AGMO: variants seen among roughly 807,000 people sequenced by gnomAD.
AGMO encodes alkylglycerol monooxygenase.
A neutral mutation model predicts 60.2 loss-of-function variants in AGMO; 75 were observed. That is an observed-to-expected ratio of 1.25 (90% CI 1.03 to 1.51). The LOEUF (loss-of-function observed/expected upper bound fraction) is 1.51. Ranked by LOEUF, AGMO falls within the 40% of genes most tolerant of loss-of-function variation. The pLI, the probability that AGMO is intolerant of heterozygous loss-of-function variation, is 0.00. For synonymous variants in AGMO, 261 were observed against 177.1 expected (o/e 1.47, Z -3.76); for missense variants, 763 against 525.5 (o/e 1.45, Z -4.42).
At chr7:15,314,558 T>A (rs768447299) in intron 12 of AGMO, among the ~76,000 whole-genome samples, 11 of 152,174 alleles carry the variant, frequency 7.2e-5, no homozygotes, top group Non-Finnish European at 1.3e-4. Context: ...TAGGTTAATC[T>A]GAAGTTTTTA....
At position 15,507,851 on chromosome 7, in the gene AGMO, T is replaced by C. The variant is rs144260280; in HGVS notation, c.409+36921A>G. Among the ~76,000 whole-genome samples, 535 of 152,230 alleles carry C rather than the reference T, an allele frequency of 3.5e-3. 3 individuals are homozygous for C. The highest frequency in any genetic ancestry group is 0.012 in the African/African-American group (519 of 41,548). On this transcript the variant is annotated intron_variant, in intron 3 of 12. Coordinates refer to ENST00000342526, the MANE Select transcript of AGMO (RefSeq NM_001004320.2). The stretch of plus-strand genomic sequence containing the variant: ...TTCACAGATCAAGTGAATGCACTGA[T>C]ACCATGTCTGAGGTTTGCTTCACAC...
intron 3 of AGMO, among the ~76,000 whole-genome samples, chr7:15,543,548 T>C (rs767463319): frequency 6.6e-6 from 1 of 152,126 alleles, no homozygotes; most frequent in Non-Finnish European, 1.5e-5. Flanking sequence ...TGCCAACAAA[T>C]TGAATTGAAC....
the AGMO span, among the ~76,000 whole-genome samples, chr7:15,138,134 C>T: frequency 6.6e-6 from 1 of 152,256 alleles, no homozygotes; most frequent in Admixed American, 6.5e-5. Flanking sequence ...ATTGCTCTCC[C>T]CTCTTGGATG....
chr7:15,457,289 T>C (rs916235507), intron 3 of AGMO, among the ~76,000 whole-genome samples: 1 of 152,176 alleles, frequency 6.6e-6, no homozygotes, highest in African/African-American at 2.4e-5. Context: ...TTTCCCTTTT[T>C]AGAAATACAT....
Position 15,360,838 on chromosome 7 carries a change from TAA to T in AGMO, c.1263+4674_1263+4675del, listed in dbSNP as rs201616277. The stretch of plus-strand genomic sequence containing the variant: ...TTAAGGCAGGCAGTTCTGAGATTAA[TAA>T]AGAGTACGTACGCATGCCCTCATGC... On this transcript the variant is annotated intron_variant, in intron 12 of 12. Coordinates refer to ENST00000342526, the MANE Select transcript of AGMO (RefSeq NM_001004320.2). Among the ~76,000 whole-genome samples, 835 of 152,258 alleles carry T rather than the reference TAA, an allele frequency of 5.5e-3. 6 individuals carry two copies. The highest frequency in any genetic ancestry group is 0.021 in the Admixed American group (326 of 15,286).
intron 12 of AGMO, among the ~76,000 whole-genome samples, chr7:15,322,720 AT>A (rs1781204801): frequency 9.4e-5 from 4 of 42,422 alleles, no homozygotes; most frequent in Non-Finnish European, 1.5e-4. Flanking sequence ...ATATAAATAT[AT>A]AAATATATAT....
the AGMO span, among the ~76,000 whole-genome samples, chr7:15,167,640 T>C: frequency 1.3e-5 from 2 of 152,194 alleles, no homozygotes; most frequent in African/African-American, 4.8e-5. Context: ...TATCTAAGAT[T>C]GCAGGGCTAA....
chr7:15,250,146 T>A (rs1271736986), intron 12 of AGMO, among the ~76,000 whole-genome samples: 1 of 152,132 alleles, frequency 6.6e-6, no homozygotes, highest in East Asian at 1.9e-4. Context: ...AACCCAAATT[T>A]CATATTGTTG....
intron 3 of AGMO, among the ~76,000 whole-genome samples, chr7:15,521,106 C>A (rs943743846): frequency 1.3e-5 from 2 of 151,958 alleles, no homozygotes; most frequent in Non-Finnish European, 2.9e-5. Context: ...AAGAAATGGA[C>A]AAATTCCTGG....
chr7:15,506,649 TA>T, intron 3 of AGMO, among the ~76,000 whole-genome samples: 1 of 152,062 alleles, frequency 6.6e-6, no homozygotes, highest in Non-Finnish European at 1.5e-5. Flanking sequence ...AATTCTATTG[TA>T]CCTGAAATAG....
chr7:15,368,089 G>C (rs1474924801), intron 10 of AGMO, among the ~76,000 whole-genome samples: 1 of 151,984 alleles, frequency 6.6e-6, no homozygotes, highest in Non-Finnish European at 1.5e-5. Context: ...TTTAGTGGAA[G>C]AGTATTGCTG....
intron 12 of AGMO, among the ~76,000 whole-genome samples, chr7:15,250,823 T>A (rs1782909026): frequency 6.6e-6 from 1 of 151,914 alleles, no homozygotes; most frequent in Non-Finnish European, 1.5e-5. Flanking sequence ...CAGGTGCCTG[T>A]AATCCCAGCT....
chr7:15,129,964 T>A, the AGMO span, among the ~76,000 whole-genome samples: 1 of 152,046 alleles, frequency 6.6e-6, no homozygotes, highest in African/African-American at 2.4e-5. Context: ...AGGGTTTAAT[T>A]TAAAGAGAGA....
intron 12 of AGMO, among the ~76,000 whole-genome samples, chr7:15,244,811 G>A (rs10246820): frequency 2.0e-5 from 3 of 151,904 alleles, no homozygotes; most frequent in Non-Finnish European, 4.4e-5. Context: ...GCCACCATGC[G>A]TGGCTAATTT....
chr7:15,182,153 A>G, the AGMO span, among the ~76,000 whole-genome samples: 3 of 152,188 alleles, frequency 2.0e-5, no homozygotes, highest in African/African-American at 7.2e-5. Context: ...AGAGTCATCA[A>G]ATTTATTAGA....
At chr7:15,353,015 C>T (rs1008747777) in intron 12 of AGMO, among the ~76,000 whole-genome samples, 1 of 151,906 alleles carries the variant, frequency 6.6e-6, no homozygotes, top group African/African-American at 2.4e-5. Flanking sequence ...GCACTGCGCA[C>T]GGCACACTCA....
chr7:15,431,556 AATATTAATGAAATTATTTCCTCATGGCT>A lies in AGMO; in HGVS notation c.410-476_410-449del, dbSNP rs1781241293. Among the ~76,000 whole-genome samples, 13 of 151,974 alleles carry A rather than the reference AATATTAATGAAATTATTTCCTCATGGCT, an allele frequency of 8.6e-5. 2 individuals carry two copies. In the South Asian group the frequency reaches 2.7e-3, roughly 31 times the overall value. ...AATTGGTATGGAAATTTTGGAATAA[AATATTAATGAAATTATTTCCTCATGGCT>A]TTCTGAGAAGTCTCAAAATCTGTTG... On this transcript the variant is annotated intron_variant, in intron 3 of 12. Transcript: ENST00000342526.
chr7:15,260,022 T>C (rs780305569), intron 12 of AGMO, among the ~76,000 whole-genome samples: 80 of 135,834 alleles, frequency 5.9e-4, no homozygotes, highest in Non-Finnish European at 9.8e-4. Context: ...AATAACACAA[T>C]GAAAAAAAAA....
chr7:15,145,401 C>A, the AGMO span, among the ~76,000 whole-genome samples: 45,077 of 151,700 alleles, frequency 0.3, 6,859 homozygotes, highest in South Asian at 0.46. Flanking sequence ...TACAATAAAA[C>A]TAAATGAAAA....
Sources: gnomAD v4.1 joint callset for allele counts (sites outside exome capture counted in the v4.1 genomes callset) on GRCh38, gnomAD v4.1.1 for gene constraint, MANE v1.5 for transcripts, NCBI Gene and HGNC (gene_info 2026-07-23, HGNC 2026-07-21) for gene names.